Variants in ARIH1 observed in about 807,000 individuals in gnomAD.
ARIH1 encodes ariadne RBR E3 ubiquitin protein ligase 1.
ARIH1 carries 8 observed loss-of-function variants against 85.0 expected under a neutral mutation model. The observed-to-expected ratio is 0.09, with a 90% CI of 0.06 to 0.17. The LOEUF is 0.17. Among genes scored for constraint, ARIH1 ranks in the 10% least tolerant of loss-of-function variants. ARIH1 has a pLI of 1.00. For synonymous variants in ARIH1, 238 were observed against 253.6 expected (o/e 0.94, Z 0.59); for missense variants, 311 against 718.1 (o/e 0.43, Z 6.48).
chr15:72,516,802 G>A (rs1037854754), intron 1 of ARIH1, among the ~76,000 whole-genome samples: 4 of 152,182 alleles, frequency 2.6e-5, no homozygotes, highest in African/African-American at 9.7e-5. Flanking sequence ...CTTTAAATCT[G>A]TAGCTAACTA....
intron 1 of ARIH1, among the ~76,000 whole-genome samples, chr15:72,506,845 TG>T (rs1451436146): frequency 4.7e-4 from 72 of 152,050 alleles, no homozygotes; most frequent in African/African-American, 1.7e-3. Flanking sequence ...GGTTTTTTTT[TG>T]TTTTTTTTGT....
chr15:72,475,941 T>C (rs1359683568), intron 1 of ARIH1, among the ~76,000 whole-genome samples: 2 of 151,934 alleles, frequency 1.3e-5, no homozygotes, highest in Admixed American at 6.6e-5. Context: ...AAAGTTTTCA[T>C]TTGGGGAAAA....
At chr15:72,493,800 A>G (rs1164559971) in intron 1 of ARIH1, among the ~76,000 whole-genome samples, 1 of 152,132 alleles carries the variant, frequency 6.6e-6, no homozygotes, top group Non-Finnish European at 1.5e-5. Context: ...TTTTCTCCAT[A>G]ACCTCAGATT....
intron 2 of ARIH1, among the ~76,000 whole-genome samples, chr15:72,520,490 A>G (rs923446466): frequency 4.6e-5 from 7 of 152,040 alleles, no homozygotes; most frequent in Non-Finnish European, 1.0e-4. Context: ...AAAAACTATT[A>G]TCTTTTAATA....
intron 2 of ARIH1, among the ~76,000 whole-genome samples, chr15:72,522,655 A>G (rs936327276): frequency 2.6e-5 from 4 of 152,214 alleles, no homozygotes; most frequent in Non-Finnish European, 5.9e-5. Context: ...TTAATGAACT[A>G]GAGAGCAACA....
chr15:72,502,288 G>A (rs973260015), intron 1 of ARIH1, among the ~76,000 whole-genome samples: 3 of 152,108 alleles, frequency 2.0e-5, no homozygotes, highest in Admixed American at 2.0e-4. Context: ...TATTTGGGAT[G>A]ACATAGAAGG....
intron 2 of ARIH1, among the ~76,000 whole-genome samples, chr15:72,537,124 G>A (rs1416332689): frequency 6.7e-6 from 1 of 148,916 alleles, no homozygotes; most frequent in Non-Finnish European, 1.5e-5. Context: ...GTTGTTGTTT[G>A]TAACATGAGG....
chr15:72,569,156 A>G (rs911207282), intron 9 of ARIH1, among the ~76,000 whole-genome samples: 1 of 152,090 alleles, frequency 6.6e-6, no homozygotes, highest in Non-Finnish European at 1.5e-5. Flanking sequence ...AAAAAATTCA[A>G]AAATTAGCCG....
At chr15:72,493,735 G>GTT (rs2063868642) in intron 1 of ARIH1, among the ~76,000 whole-genome samples, 2 of 151,978 alleles carry the variant, frequency 1.3e-5, no homozygotes, top group South Asian at 4.1e-4. Context: ...TGTGAATCAG[G>GTT]TTTTTCTTCA....
At chr15:72,516,455 A>C (rs80175256) in intron 1 of ARIH1, among the ~76,000 whole-genome samples, 2 of 152,212 alleles carry the variant, frequency 1.3e-5, no homozygotes, top group Non-Finnish European at 2.9e-5. Context: ...TCACATTTCT[A>C]AGAGCTGGAG....
chr15:72,534,975 C>T (rs1351223997), intron 2 of ARIH1, among the ~76,000 whole-genome samples: 2 of 21,408 alleles, frequency 9.3e-5, no homozygotes, highest in Non-Finnish European at 6.8e-3. Flanking sequence ...TTTTTTGAGA[C>T]GGAGTCTCGC....
At chr15:72,526,887 A>C (rs1413413369) in intron 2 of ARIH1, among the ~76,000 whole-genome samples, 1 of 135,086 alleles carries the variant, frequency 7.4e-6, no homozygotes, top group African/African-American at 2.6e-5. Context: ...AAATCTCTGC[A>C]GATTAATTTC....
At position 72,515,291 on chromosome 15, in the gene ARIH1, G is replaced by A. The variant is rs1051170119; in HGVS notation, c.376-2776G>A. 3.9e-5 allele frequency among the ~76,000 whole-genome samples: 6 copies of A among 151,994 alleles called. No individual in the cohort carries two copies. In the South Asian group the frequency reaches 1.0e-3, roughly 26 times the overall value. On this transcript the variant is annotated intron_variant, in intron 1 of 13. Transcript: ENST00000379887. ...GGTGGAGGTTGTGGGAGCCGAGATCGTGCCATTGCACTCCAGCCTGGTCAG... is the reference window on the plus strand; with the variant it reads ...GGTGGAGGTTGTGGGAGCCGAGATCATGCCATTGCACTCCAGCCTGGTCAG...
chr15:72,525,594 T>G (rs2064023886), intron 2 of ARIH1, among the ~76,000 whole-genome samples: 1 of 152,204 alleles, frequency 6.6e-6, no homozygotes, highest in Non-Finnish European at 1.5e-5. Context: ...AAATTATATG[T>G]AAAGTATATA....
intron 1 of ARIH1, among the ~76,000 whole-genome samples, chr15:72,498,960 AATTTTTTTTTTTTTTTT>A (rs2063891323): frequency 1.5e-5 from 2 of 131,232 alleles, no homozygotes; most frequent in East Asian, 2.1e-4. Flanking sequence ...CCTTTTCATA[AATTTTTTTTTTTTTTTT>A]TTTTTTTTTT....
rs1340920227 is a variant in ARIH1, at chr15:72,583,836, A to G, written c.*544A>G. 3 of 152,372 alleles carry G rather than the reference A, an allele frequency of 2.0e-5. No individual in the cohort carries two copies. Among genetic ancestry groups the G allele is most frequent in the Non-Finnish European group, 4.4e-5 (3 of 68,162 alleles). 9.4% of individuals were successfully genotyped at this position (152,372 alleles called of 1,614,324 possible). Reference sequence around the variant, plus strand: ...GGGGAAAGGGGTAGGCAGCAAGAGGATTCAACAAACGAAAAACATAAAAAC... The same window carrying G: ...GGGGAAAGGGGTAGGCAGCAAGAGGGTTCAACAAACGAAAAACATAAAAAC... On this transcript the variant is annotated 3_prime_UTR_variant, in exon 14 of 14. Transcript: ENST00000379887.
intron 3 of ARIH1, among the ~76,000 whole-genome samples, chr15:72,550,941 G>C (rs938765992): frequency 3.9e-5 from 6 of 152,054 alleles, no homozygotes; most frequent in Admixed American, 3.3e-4. Flanking sequence ...CAAAGTGCTC[G>C]GATTACAGGC....
intron 7 of ARIH1, among the ~76,000 whole-genome samples, chr15:72,565,409 C>T (rs908048646): frequency 4.0e-5 from 6 of 151,868 alleles, no homozygotes; most frequent in African/African-American, 9.7e-5. Flanking sequence ...TTTTTTGCTG[C>T]GGGGTGGTTT....
intron 11 of ARIH1, 90 bp downstream of exon 11, chr15:72,572,255 T>C (rs765162168): frequency 3.3e-6 from 2 of 597,804 alleles, no homozygotes; most frequent in African/African-American, 2.3e-5. Context: ...TTTTTTTTTT[T>C]GAGACAGTGT....
Sources: gnomAD v4.1 joint callset for allele counts (sites outside exome capture counted in the v4.1 genomes callset) on GRCh38, gnomAD v4.1.1 for gene constraint, MANE v1.5 for transcripts, NCBI Gene and HGNC (gene_info 2026-07-23, HGNC 2026-07-21) for gene names.